The following ROBO1 variants were observed in gnomAD, a reference collection of about 807,000 sequenced individuals.
ROBO1 encodes roundabout guidance receptor 1, also known as roundabout homolog 1.
Under a neutral mutation model 195.9 loss-of-function variants are expected in ROBO1, and 149 were observed. The ratio of observed to expected loss-of-function variants is 0.76; its 90% CI spans 0.67 to 0.87. ROBO1 has a LOEUF of 0.87. Ranked by LOEUF, ROBO1 falls within the 40% of genes least tolerant of loss-of-function variation. The pLI is 0.00. For synonymous variants in ROBO1, 816 were observed against 733.2 expected, an observed-to-expected ratio of 1.11 and a Z score of -1.82; for missense variants, 1,933 against 2,068.3, an observed-to-expected ratio of 0.93 and a Z score of 1.27.
At chr3:79,389,368 G>T in intron 2 of ROBO1, among the ~76,000 whole-genome samples, 1 of 152,098 alleles carries the variant, frequency 6.6e-6, no homozygotes, top group Non-Finnish European at 1.5e-5. Context: ...TAGGTTTCTT[G>T]TTGTCAGCAG....
chr3:79,499,037 C>G (rs1939909282), intron 2 of ROBO1, among the ~76,000 whole-genome samples: 1 of 151,942 alleles, frequency 6.6e-6, no homozygotes, highest in African/African-American at 2.4e-5. Flanking sequence ...TTTTGTCGCC[C>G]AGGCTGGAGT....
At chr3:79,482,679 C>G (rs1938925607) in intron 2 of ROBO1, among the ~76,000 whole-genome samples, 1 of 152,138 alleles carries the variant, frequency 6.6e-6, no homozygotes, top group Non-Finnish European at 1.5e-5. Context: ...AAGAATCTCA[C>G]AGCTGCTAAG....
intron 3 of ROBO1, among the ~76,000 whole-genome samples, chr3:78,966,539 G>A (rs951378526): frequency 6.6e-6 from 1 of 152,088 alleles, no homozygotes; most frequent in Non-Finnish European, 1.5e-5. Flanking sequence ...TAATTCCAAG[G>A]CACATTAAAG....
Position 79,467,571 on chromosome 3 carries a change from G to A in ROBO1, c.88+122253C>T, listed in dbSNP as rs545326723. 5.9e-5 allele frequency among the ~76,000 whole-genome samples: 9 copies of A among 151,804 alleles called. No homozygotes were observed. In the South Asian group the frequency reaches 1.9e-3, roughly 32 times the overall value. On this transcript the variant is annotated intron_variant, in intron 2 of 30. Transcript: ENST00000464233. The stretch of plus-strand genomic sequence containing the variant: ...ATGGTTGGAGAGGAGATTGGCTGTG[G>A]GACAGCCGAACTCCAGAGAAAGATC...
At chr3:79,690,622 G>T (rs1947271407) in intron 1 of ROBO1, among the ~76,000 whole-genome samples, 1 of 151,858 alleles carries the variant, frequency 6.6e-6, no homozygotes, top group South Asian at 2.1e-4. Context: ...AGTTACAGTG[G>T]CAATAGAAAA....
intron 2 of ROBO1, among the ~76,000 whole-genome samples, chr3:79,353,569 C>T (rs962944187): frequency 5.3e-5 from 8 of 152,078 alleles, no homozygotes; most frequent in African/African-American, 1.9e-4. Context: ...CTTGTTCAAT[C>T]CCTCAATCCA....
chr3:79,263,389 C>T (rs2082975922), intron 2 of ROBO1, among the ~76,000 whole-genome samples: 1 of 152,036 alleles, frequency 6.6e-6, no homozygotes, highest in South Asian at 2.1e-4. Context: ...TGGCTCATGC[C>T]TATAATCCTA....
intron 2 of ROBO1, among the ~76,000 whole-genome samples, chr3:79,367,465 C>T (rs1187929493): frequency 1.3e-5 from 2 of 152,204 alleles, no homozygotes; most frequent in African/African-American, 2.4e-5. Flanking sequence ...TCCAAAAGAT[C>T]TATGCAAGAC....
At chr3:78,673,056 T>C (rs1283353345) in intron 10 of ROBO1, among the ~76,000 whole-genome samples, 2 of 152,116 alleles carry the variant, frequency 1.3e-5, no homozygotes, top group Non-Finnish European at 1.5e-5. Context: ...TGCAATTGTA[T>C]TTAATTTTAA....
rs112457367 is a variant in ROBO1, at chr3:78,607,191, A to C, written c.4436-150T>G. 1,694 of 725,662 alleles carry C rather than the reference A, an allele frequency of 2.3e-3. 17 individuals carry two copies. In the African/African-American group the frequency reaches 0.026, roughly 11 times the overall value. 45.0% of individuals were successfully genotyped at this position (725,662 alleles called of 1,614,324 possible). ...TGAAGGTAACCAAGGAAAAATACCC[A>C]CAATTTTTTAAAATTTATGTTTATT... On this transcript the variant is annotated intron_variant, in intron 28 of 30. Coordinates refer to ENST00000464233, the MANE Select transcript of ROBO1 (RefSeq NM_002941.4).
intron 2 of ROBO1, among the ~76,000 whole-genome samples, chr3:79,185,891 A>T (rs1395562916): frequency 6.6e-6 from 1 of 152,142 alleles, no homozygotes; most frequent in African/African-American, 2.4e-5. Flanking sequence ...CTGTGTATTT[A>T]TATATAATGT....
intron 1 of ROBO1, among the ~76,000 whole-genome samples, chr3:79,681,056 C>G (rs909269344): frequency 6.6e-6 from 1 of 151,910 alleles, no homozygotes; most frequent in Admixed American, 6.6e-5. Context: ...AGAACAATCC[C>G]TTACATGGAT....
At chr3:79,671,853 C>T (rs986478588) in intron 1 of ROBO1, among the ~76,000 whole-genome samples, 3 of 151,724 alleles carry the variant, frequency 2.0e-5, no homozygotes, top group African/African-American at 7.3e-5. Context: ...AAAATTAATG[C>T]CTTTATTACT....
At chr3:79,753,282 C>T (rs1449360577) in intron 1 of ROBO1, among the ~76,000 whole-genome samples, 2 of 145,678 alleles carry the variant, frequency 1.4e-5, no homozygotes, top group Admixed American at 1.4e-4. Flanking sequence ...AAACTGGATA[C>T]TGGGATTTAA....
At chr3:78,803,390 T>G (rs1479053878) in intron 4 of ROBO1, among the ~76,000 whole-genome samples, 5 of 152,160 alleles carry the variant, frequency 3.3e-5, no homozygotes, top group Admixed American at 2.0e-4. Flanking sequence ...AAAAGTCATA[T>G]TGACCTTGCT....
At chr3:78,724,001 G>T (rs1482450368) in intron 5 of ROBO1, among the ~76,000 whole-genome samples, 1 of 151,832 alleles carries the variant, frequency 6.6e-6, no homozygotes, top group African/African-American at 2.4e-5. Context: ...GACAATAATG[G>T]TTAAGGACCC....
intron 3 of ROBO1, among the ~76,000 whole-genome samples, chr3:79,079,192 A>G (rs964031694): frequency 6.6e-6 from 1 of 151,838 alleles, no homozygotes; most frequent in Non-Finnish European, 1.5e-5. Flanking sequence ...TATTTATTAG[A>G]AATATGTGAA....
intron 3 of ROBO1, among the ~76,000 whole-genome samples, chr3:79,100,394 C>CT (rs1000328619): frequency 2.0e-5 from 3 of 151,598 alleles, no homozygotes; most frequent in African/African-American, 7.3e-5. Flanking sequence ...AAACCTTATT[C>CT]TTTTTTTCCC....
At chr3:79,394,876 A>C (rs1559868419) in intron 2 of ROBO1, among the ~76,000 whole-genome samples, 1 of 152,224 alleles carries the variant, frequency 6.6e-6, no homozygotes, top group Non-Finnish European at 1.5e-5. Flanking sequence ...ATGTTTTGAT[A>C]TACAAATTCT....
Sources: gnomAD v4.1 joint callset for allele counts (sites outside exome capture counted in the v4.1 genomes callset) on GRCh38, gnomAD v4.1.1 for gene constraint, MANE v1.5 for transcripts, NCBI Gene and HGNC (gene_info 2026-07-23, HGNC 2026-07-21) for gene names.